Variants in VAMP4 observed in about 807,000 individuals in gnomAD.
VAMP4 encodes the protein vesicle associated membrane protein 4.
Under a neutral mutation model 23.5 loss-of-function variants are expected in VAMP4, and 19 were observed. The observed-to-expected ratio is 0.81, with a 90% CI of 0.56 to 1.19. VAMP4 has a LOEUF of 1.19. VAMP4 is among the 50% of genes most tolerant of loss of function. The pLI is 0.00. For missense variants in VAMP4, 145 were observed against 168.6 expected, an observed-to-expected ratio of 0.86 and a Z score of 0.78; for synonymous variants, 31 against 51.0, an observed-to-expected ratio of 0.61 and a Z score of 1.67.
chr1:171,705,006 T>C (rs1654605716), intron 7 of VAMP4, among the ~76,000 whole-genome samples: 1 of 152,110 alleles, frequency 6.6e-6, no homozygotes, highest in South Asian at 2.1e-4. Context: ...AATTGCTCAC[T>C]ATATATACAT....
At chr1:171,719,320 G>A (rs1572245653) in intron 3 of VAMP4, 99 bp from the exon 4 acceptor site, 2 of 1,005,592 alleles carry the variant, frequency 2.0e-6, no homozygotes, top group East Asian at 5.4e-5. Context: ...CAATCAAGCT[G>A]AACTCTAAAC....
intron 7 of VAMP4, among the ~76,000 whole-genome samples, chr1:171,704,973 G>T (rs150509798): frequency 2.9e-4 from 44 of 151,864 alleles, no homozygotes; most frequent in Middle Eastern, 3.4e-3. Context: ...TCTTCTTTTT[G>T]TTATTAATAT....
At chr1:171,720,915 CA>C (rs1655174007) in intron 3 of VAMP4, among the ~76,000 whole-genome samples, 1 of 152,062 alleles carries the variant, frequency 6.6e-6, no homozygotes, top group East Asian at 1.9e-4. Context: ...AAATTCTTAA[CA>C]AACTCTTAAC....
At chr1:171,729,467 T>C (rs1337017965) in intron 2 of VAMP4, among the ~76,000 whole-genome samples, 15 of 152,164 alleles carry the variant, frequency 9.9e-5, no homozygotes, top group Admixed American at 9.8e-4. Context: ...GAAACAAAGT[T>C]TTGACTGCGT....
chr1:171,711,099 C>T (rs1048608455), intron 4 of VAMP4, among the ~76,000 whole-genome samples: 1 of 151,970 alleles, frequency 6.6e-6, no homozygotes, highest in African/African-American at 2.4e-5. Context: ...GTCAGCATGC[C>T]CGTTAAGTAC....
At chr1:171,721,455 G>A (rs1655193582) in intron 3 of VAMP4, among the ~76,000 whole-genome samples, 1 of 152,138 alleles carries the variant, frequency 6.6e-6, no homozygotes, top group Admixed American at 6.5e-5. Flanking sequence ...TGGCAAGATT[G>A]TAGAATACAA....
chr1:171,720,579 A>G (rs1655160316), intron 3 of VAMP4, among the ~76,000 whole-genome samples: 1 of 152,058 alleles, frequency 6.6e-6, no homozygotes, highest in Non-Finnish European at 1.5e-5. Context: ...TGGTTATATA[A>G]GATTTATTAA....
chr1:171,708,428 C>G (rs182390690), intron 6 of VAMP4, among the ~76,000 whole-genome samples: 1 of 149,018 alleles, frequency 6.7e-6, no homozygotes, highest in East Asian at 2.0e-4. Context: ...AAATTCTGAA[C>G]AAGGGGAGAA....
At chr1:171,738,661 G>C (rs963734290) in intron 1 of VAMP4, among the ~76,000 whole-genome samples, 198 bp from the exon 2 acceptor site, 2 of 152,148 alleles carry the variant, frequency 1.3e-5, no homozygotes, top group Non-Finnish European at 2.9e-5. Flanking sequence ...TTAAAATTAT[G>C]AGAAAATGGA....
chr1:171,730,916 T>G (rs1356483680), intron 2 of VAMP4, among the ~76,000 whole-genome samples: 2 of 151,776 alleles, frequency 1.3e-5, no homozygotes, highest in East Asian at 1.9e-4. Flanking sequence ...GAAAGAAGGA[T>G]GTATTCGGCT....
chr1:171,716,203 C>G lies in VAMP4; in HGVS notation c.164+2968G>C, dbSNP rs540580518. Reference sequence around the variant, plus strand: ...GGAATCTCATAAAAGTTAAGCTGGTCTGACCAAGACTATAATTGGGAGATT... The same window carrying G: ...GGAATCTCATAAAAGTTAAGCTGGTGTGACCAAGACTATAATTGGGAGATT... On this transcript the variant is annotated intron_variant, in intron 4 of 7. Transcript: ENST00000236192. 2.6e-4 allele frequency among the ~76,000 whole-genome samples: 40 copies of G among 152,196 alleles called. 1 individual carries two copies. Among genetic ancestry groups the G allele is most frequent in the Middle Eastern group, 6.8e-3 (2 of 294 alleles).
chr1:171,739,009 T>C (rs1263873842), intron 1 of VAMP4, among the ~76,000 whole-genome samples: 2 of 152,212 alleles, frequency 1.3e-5, no homozygotes, highest in African/African-American at 2.4e-5. Context: ...TGGTGTGATA[T>C]CGTGATTTAC....
intron 6 of VAMP4, among the ~76,000 whole-genome samples, chr1:171,706,682 CT>C (rs1654665271): frequency 6.6e-6 from 1 of 152,004 alleles, no homozygotes; most frequent in Non-Finnish European, 1.5e-5. Context: ...TTCTCATATA[CT>C]TTGAAAAAAA....
chr1:171,730,870 G>T (rs1025880910), intron 2 of VAMP4, among the ~76,000 whole-genome samples: 1 of 152,120 alleles, frequency 6.6e-6, no homozygotes. Flanking sequence ...CTATATCTAT[G>T]TATAATATAT....
At chr1:171,731,875 G>A (rs906722489) in intron 2 of VAMP4, among the ~76,000 whole-genome samples, 3 of 152,078 alleles carry the variant, frequency 2.0e-5, no homozygotes, top group Admixed American at 6.6e-5. Flanking sequence ...TTAGGACAAA[G>A]TATTAAACAA....
intron 2 of VAMP4, among the ~76,000 whole-genome samples, chr1:171,731,599 T>A (rs756038311): frequency 4.1e-4 from 62 of 152,190 alleles, no homozygotes; most frequent in Non-Finnish European, 7.6e-4. Flanking sequence ...GTGAAGAGCA[T>A]TCATTGCTGC....
chr1:171,717,009 T>C (rs1299266874), intron 4 of VAMP4, among the ~76,000 whole-genome samples: 2 of 152,210 alleles, frequency 1.3e-5, no homozygotes, highest in East Asian at 3.8e-4. Flanking sequence ...AATACATAAA[T>C]ATACAAATTC....
intron 2 of VAMP4, among the ~76,000 whole-genome samples, chr1:171,734,187 G>A (rs1339491367): frequency 6.9e-6 from 1 of 145,480 alleles, no homozygotes; most frequent in Non-Finnish European, 1.5e-5. Flanking sequence ...AAAATCACTT[G>A]AACCCAGGAG....
chr1:171,719,334 G>A (rs1655117563), intron 3 of VAMP4, 113 bp from the exon 4 acceptor site: 1 of 840,554 alleles, frequency 1.2e-6, no homozygotes, highest in South Asian at 2.0e-5. Context: ...TCTAAACATG[G>A]ATCAGTTATT....
Sources: allele counts gnomAD v4.1 joint callset (sites outside exome capture counted in the v4.1 genomes callset), GRCh38; gene constraint gnomAD v4.1.1; transcripts MANE v1.5; gene names NCBI Gene and HGNC (gene_info 2026-07-23, HGNC 2026-07-21).